Variants in HIPK3 observed in about 807,000 individuals in gnomAD.
The protein encoded by HIPK3 is homeodomain-interacting protein kinase 3.
Under a neutral mutation model 124.2 loss-of-function variants are expected in HIPK3, and 47 were observed. That is an observed-to-expected ratio of 0.38 (90% confidence interval 0.30 to 0.48). The LOEUF is 0.48. HIPK3 is among the 20% of genes least tolerant of loss of function. The probability of loss-of-function intolerance (pLI) is 0.98; values close to 1 mark genes in which losing one functional copy is unlikely to be tolerated. For synonymous variants in HIPK3, 482 were observed against 515.2 expected, an observed-to-expected ratio of 0.94 and a Z score of 0.87; for missense variants, 1,286 against 1,454.3, an observed-to-expected ratio of 0.88 and a Z score of 1.88.
At chr11:33,319,768 A>C (rs1477315125) in intron 2 of HIPK3, among the ~76,000 whole-genome samples, 2 of 152,236 alleles carry the variant, frequency 1.3e-5, no homozygotes, top group Non-Finnish European at 2.9e-5. Flanking sequence ...ATAGCATTAA[A>C]AGAATTAAAG....
intron 2 of HIPK3, among the ~76,000 whole-genome samples, chr11:33,324,337 A>T (rs1385877702): frequency 6.6e-6 from 1 of 152,206 alleles, no homozygotes; most frequent in Non-Finnish European, 1.5e-5. Context: ...ATTGCTTCCC[A>T]ACTTTCCTCA....
At chr11:33,332,795 A>G (rs894830183) in intron 3 of HIPK3, among the ~76,000 whole-genome samples, 1 of 152,142 alleles carries the variant, frequency 6.6e-6, no homozygotes. Context: ...TTGCATTGCT[A>G]TAAAGGAATA....
intron 1 of HIPK3, among the ~76,000 whole-genome samples, chr11:33,270,648 A>G (rs1352336693): frequency 2.0e-5 from 3 of 152,204 alleles, no homozygotes; most frequent in African/African-American, 7.2e-5. Flanking sequence ...TTACGCTGCT[A>G]TTTAAAATAA....
At chr11:33,312,283 C>G (rs922819868) in intron 2 of HIPK3, among the ~76,000 whole-genome samples, 1 of 152,090 alleles carries the variant, frequency 6.6e-6, no homozygotes, top group Non-Finnish European at 1.5e-5. Context: ...TGGCAGTTCT[C>G]TAGACTGTTA....
intron 2 of HIPK3, among the ~76,000 whole-genome samples, chr11:33,293,029 T>G (rs1367739563): frequency 6.6e-6 from 1 of 152,078 alleles, no homozygotes; most frequent in Non-Finnish European, 1.5e-5. Flanking sequence ...GAGCCACCGC[T>G]CCCGGCCAAA....
intron 2 of HIPK3, among the ~76,000 whole-genome samples, chr11:33,296,276 T>C (rs953041978): frequency 6.6e-6 from 1 of 152,176 alleles, no homozygotes; most frequent in Non-Finnish European, 1.5e-5. Flanking sequence ...ACCACAGATG[T>C]TCTGACTTAC....
At chr11:33,279,348 A>T (rs1590350838) in intron 1 of HIPK3, among the ~76,000 whole-genome samples, 1 of 142,472 alleles carries the variant, frequency 7.0e-6, no homozygotes, top group Non-Finnish European at 1.5e-5. Flanking sequence ...AAAAAAAAAA[A>T]GAGAAGAAGA....
At chr11:33,265,303 G>A (rs73485390) in intron 1 of HIPK3, among the ~76,000 whole-genome samples, 14,995 of 152,162 alleles carry the variant, frequency 0.099, 1,688 homozygotes, top group African/African-American at 0.28. Context: ...GCAGTATATT[G>A]GTTGTAGTTT....
intron 1 of HIPK3, among the ~76,000 whole-genome samples, chr11:33,260,791 T>G (rs116184719): frequency 6.6e-6 from 1 of 152,304 alleles, no homozygotes; most frequent in African/African-American, 2.4e-5. Flanking sequence ...GACTCTTAAC[T>G]CTTAGAGGAC....
At chr11:33,341,246 C>CTA (rs1853325426) in intron 7 of HIPK3, 119 bp downstream of exon 7, 1 of 649,220 alleles carries the variant, frequency 1.5e-6, no homozygotes, top group Non-Finnish European at 2.5e-6. Context: ...TGAGGTCTTA[C>CTA]TATACCTGTT....
intron 3 of HIPK3, 66 bp downstream of exon 3, chr11:33,328,699 C>T: frequency 6.9e-7 from 1 of 1,449,824 alleles, no homozygotes; most frequent in Admixed American, 1.7e-5. Context: ...CTTACAGGAA[C>T]ACATGGCTGC....
At chr11:33,303,518 T>C (rs1852065085) in intron 2 of HIPK3, among the ~76,000 whole-genome samples, 1 of 152,242 alleles carries the variant, frequency 6.6e-6, no homozygotes, top group African/African-American at 2.4e-5. Flanking sequence ...TAGTTTTTTT[T>C]CCTTGTGCTA....
chr11:33,287,608 C>G, intron 2 of HIPK3, 97 bp downstream of exon 2: 1 of 1,279,672 alleles, frequency 7.8e-7, no homozygotes, highest in Non-Finnish European at 1.1e-6. Context: ...GAGACCACTT[C>G]AGTTAAATAA....
chr11:33,336,812 C>G (rs932914121), intron 3 of HIPK3, among the ~76,000 whole-genome samples: 5 of 152,204 alleles, frequency 3.3e-5, no homozygotes, highest in Admixed American at 3.3e-4. Context: ...TCCTTTAACA[C>G]CAAACTTGAG....
chr11:33,341,404 G>A (rs2133987356), intron 7 of HIPK3, among the ~76,000 whole-genome samples, 159 bp from the exon 8 acceptor site: 1 of 152,222 alleles, frequency 6.6e-6, no homozygotes, highest in East Asian at 1.9e-4. Context: ...AGTAGAATCG[G>A]TTTTTAAATT....
At chr11:33,314,229 CACTA>C (rs936633279) in intron 2 of HIPK3, among the ~76,000 whole-genome samples, 7 of 152,216 alleles carry the variant, frequency 4.6e-5, no homozygotes, top group African/African-American at 1.4e-4. Flanking sequence ...CCCCACCTTT[CACTA>C]ACTGAGAGAT....
intron 1 of HIPK3, among the ~76,000 whole-genome samples, chr11:33,279,682 T>C (rs1851363038): frequency 6.6e-6 from 1 of 152,178 alleles, no homozygotes; most frequent in Non-Finnish European, 1.5e-5. Context: ...ATGTATATGG[T>C]AGTCCATTTG....
chr11:33,279,421 TG>T (rs1851356451), intron 1 of HIPK3, among the ~76,000 whole-genome samples: 1 of 151,966 alleles, frequency 6.6e-6, no homozygotes, highest in Admixed American at 6.6e-5. Context: ...AATTTCATAT[TG>T]GCAAATAAAT....
chr11:33,350,850 T>A (rs2134002570), intron 14 of HIPK3, among the ~76,000 whole-genome samples: 1 of 152,336 alleles, frequency 6.6e-6, no homozygotes, highest in Admixed American at 6.5e-5. Flanking sequence ...TTTTAATGTA[T>A]CTTCTTAAAA....
Sources: gnomAD v4.1 joint callset for allele counts (sites outside exome capture counted in the v4.1 genomes callset) on GRCh38, gnomAD v4.1.1 for gene constraint, MANE v1.5 for transcripts, NCBI Gene and HGNC (gene_info 2026-07-23, HGNC 2026-07-21) for gene names.